Variants in SMIM8 observed in about 807,000 individuals in gnomAD.
SMIM8 encodes the protein small integral membrane protein 8.
SMIM8 carries 8 observed loss-of-function variants against 8.1 expected under a neutral mutation model. That is an observed-to-expected ratio of 0.99 (90% CI 0.58 to 1.78). SMIM8 has a LOEUF of 1.78. SMIM8 is among the 40% of genes most tolerant of loss of function. The probability of loss-of-function intolerance (pLI) is 0.00; values close to 1 mark genes in which losing one functional copy is unlikely to be tolerated. For missense variants in SMIM8, 126 were observed against 119.8 expected (o/e 1.05, Z -0.24); for synonymous variants, 45 against 39.7 (o/e 1.13, Z -0.50).
chr6:87,324,987 TC>T (rs1776781148), intron 1 of SMIM8, among the ~76,000 whole-genome samples: 2 of 152,096 alleles, frequency 1.3e-5, no homozygotes, highest in Admixed American at 1.3e-4. Flanking sequence ...GTCCTTCACA[TC>T]CCTTGTAAGT....
In SMIM8 at chr6:87,341,885, A is replaced by G; in HGVS notation, c.*1611A>G. 1 of 152,184 alleles carries G rather than the reference A, an allele frequency of 6.6e-6. No homozygotes were observed. The highest frequency in any genetic ancestry group is 1.9e-4 in the East Asian group (1 of 5,200). The allele number at this position is 152,184 out of a possible 1,614,324, so 9.4% of individuals were successfully genotyped here. ...CCCTGTGTATTTTGGCTATCACAAAACTAGGGTTCTTCTGTTTTTAACTTA... is the reference window on the plus strand; with the variant it reads ...CCCTGTGTATTTTGGCTATCACAAAGCTAGGGTTCTTCTGTTTTTAACTTA... On this transcript the variant is annotated 3_prime_UTR_variant, in exon 4 of 4. Coordinates refer to ENST00000392863, the MANE Select transcript of SMIM8 (RefSeq NM_001042493.3).
intron 1 of SMIM8, among the ~76,000 whole-genome samples, chr6:87,325,194 C>T: frequency 6.6e-6 from 1 of 152,084 alleles, no homozygotes; most frequent in Admixed American, 6.5e-5. Context: ...TCTAGGTATA[C>T]AGTCATGTCA....
Position 87,340,117 on chromosome 6 carries a change from A to G in SMIM8, c.137A>G (p.Asn46Ser). The G allele has an allele frequency of 6.4e-7, 1 of 1,558,036 alleles. No individual in the cohort carries two copies. The highest frequency in any genetic ancestry group is 8.6e-7 in the Non-Finnish European group (1 of 1,158,708). Residue 46 changes from asparagine to serine, a missense_variant and splice_region_variant, in exon 4 of 4, where the codon AAC becomes AGC. Asn to Ser is a conservative substitution (Grantham distance 46, BLOSUM62 1). Coordinates refer to ENST00000392863, the MANE Select transcript of SMIM8 (RefSeq NM_001042493.3). The part of the protein sequence containing the change: ...AVNPELFIKP[N>S]KPVMAFGLVT... ...TTATAATTTTTTTTTCTTTGACAGA[A>G]CAAACCTGTAATGGCTTTCGGATTG...
At chr6:87,330,360 T>G (rs577304646) in intron 1 of SMIM8, among the ~76,000 whole-genome samples, 93 of 152,354 alleles carry the variant, frequency 6.1e-4, no homozygotes, top group African/African-American at 2.0e-3. Context: ...TTCTAAAATG[T>G]ATGTTTGAAG....
At chr6:87,328,795 C>A (rs1255832792) in intron 1 of SMIM8, among the ~76,000 whole-genome samples, 4 of 152,342 alleles carry the variant, frequency 2.6e-5, no homozygotes, top group South Asian at 2.1e-4. Context: ...TCGAGCTTCC[C>A]AGCTGCTTTG....
rs760761450 is a variant in SMIM8 at position 87,337,082 on chromosome 6, G to GA, written c.54dup (p.Glu19ArgfsTer26). The stretch of plus-strand genomic sequence containing the variant: ...CATTCAAAAAGGAACCACCCAAAGA[G>GA]AAAGAGTTTCAAAGCCCAGGGCTCA... On this transcript the variant is annotated frameshift_variant, in exon 3 of 4. Transcript: ENST00000392863. LOFTEE classifies it high-confidence loss of function. 1 of 1,612,962 alleles carries GA rather than the reference G, an allele frequency of 6.2e-7. No homozygotes were observed. Among genetic ancestry groups the GA allele is most frequent in the South Asian group, 1.1e-5 (1 of 90,858 alleles).
At chr6:87,332,953 C>T (rs1284961642) in intron 2 of SMIM8, among the ~76,000 whole-genome samples, 1 of 152,118 alleles carries the variant, frequency 6.6e-6, no homozygotes, top group Non-Finnish European at 1.5e-5. Flanking sequence ...TTAATGACTG[C>T]TTCATTTTGC....
At chr6:87,335,021 T>C (rs1396717159) in intron 2 of SMIM8, among the ~76,000 whole-genome samples, 1 of 152,168 alleles carries the variant, frequency 6.6e-6, no homozygotes, top group Admixed American at 6.5e-5. Context: ...CAGTGACAGC[T>C]CACTTCTGAA....
intron 3 of SMIM8, among the ~76,000 whole-genome samples, chr6:87,337,866 G>A (rs990902768): frequency 2.6e-5 from 4 of 152,078 alleles, no homozygotes; most frequent in East Asian, 1.9e-4. Context: ...GGCCTTAAGC[G>A]ATTCTCCCAC....
chr6:87,335,829 G>A (rs1213925253), intron 2 of SMIM8, among the ~76,000 whole-genome samples: 2 of 130,762 alleles, frequency 1.5e-5, no homozygotes, highest in East Asian at 2.3e-4. Flanking sequence ...GCAACATGGC[G>A]AGACCCCGTC....
At chr6:87,328,249 G>C (rs1776884603) in intron 1 of SMIM8, among the ~76,000 whole-genome samples, 1 of 152,038 alleles carries the variant, frequency 6.6e-6, no homozygotes, top group African/African-American at 2.4e-5. Flanking sequence ...CCTTCTCTCA[G>C]CTCGTCAAAG....
At chr6:87,328,074 C>G (rs866251201) in intron 1 of SMIM8, among the ~76,000 whole-genome samples, 1 of 152,186 alleles carries the variant, frequency 6.6e-6, no homozygotes, top group Non-Finnish European at 1.5e-5. Context: ...GCATTCTTCA[C>G]GTAGTTCTTG....
At chr6:87,335,845 CAAAAAA>C (rs35840147) in intron 2 of SMIM8, among the ~76,000 whole-genome samples, 2 of 55,960 alleles carry the variant, frequency 3.6e-5, no homozygotes, top group Admixed American at 2.4e-4. Context: ...CCGTCCCTAC[CAAAAAA>C]AAAAAAAAAA....
intron 1 of SMIM8, among the ~76,000 whole-genome samples, chr6:87,326,651 T>C (rs557450978): frequency 7.1e-6 from 1 of 140,684 alleles, no homozygotes; most frequent in Non-Finnish European, 1.5e-5. Flanking sequence ...ATAATTTCTG[T>C]TCTTTTACAT....
Position 87,331,472 on chromosome 6 carries a change from G to T in SMIM8, c.-24+760G>T, listed in dbSNP as rs750624211. Among the ~76,000 whole-genome samples, 3 of 152,088 alleles carry T rather than the reference G, an allele frequency of 2.0e-5. No individual in the cohort carries two copies. In the South Asian group the frequency reaches 6.2e-4, roughly 32 times the overall value. On this transcript the variant is annotated intron_variant, in intron 2 of 3. Transcript: ENST00000392863. ...ATACATGTGTGAAGAAATGACTAAG[G>T]TTTTGCATTCTACCTGTTTTATTTA...
At chr6:87,327,331 C>T (rs866105738) in intron 1 of SMIM8, among the ~76,000 whole-genome samples, 4 of 151,736 alleles carry the variant, frequency 2.6e-5, no homozygotes, top group Non-Finnish European at 4.4e-5. Context: ...TTATTTTGCT[C>T]GTTAGTTGAT....
chr6:87,329,051 G>C (rs1452370949), intron 1 of SMIM8: 1 of 152,878 alleles, frequency 6.5e-6, no homozygotes, highest in Non-Finnish European at 1.5e-5. Context: ...TTGACTAGGA[G>C]AGGGAACTCC....
At position 87,340,484 on chromosome 6, in the gene SMIM8, T is replaced by C; in HGVS notation, c.*210T>C. 1 of 356,700 alleles carries C rather than the reference T, an allele frequency of 2.8e-6. No homozygotes were observed. Among genetic ancestry groups the C allele is most frequent in the Non-Finnish European group, 4.8e-6 (1 of 206,210 alleles). 22.1% of individuals were successfully genotyped at this position (356,700 alleles called of 1,614,324 possible). A position where few individuals can be genotyped will look rare whatever the true frequency, so the allele number is the denominator to read the frequency against. ...TTTTTCCACAGAGTGAGCGTCATAATATTTTTCTTTCCTTACCTCTTATAA... is the reference window on the plus strand; with the variant it reads ...TTTTTCCACAGAGTGAGCGTCATAACATTTTTCTTTCCTTACCTCTTATAA... On this transcript the variant is annotated 3_prime_UTR_variant, in exon 4 of 4. Coordinates refer to ENST00000392863, the MANE Select transcript of SMIM8 (RefSeq NM_001042493.3).
chr6:87,324,118 G>T (rs549218703), intron 1 of SMIM8, among the ~76,000 whole-genome samples: 1 of 151,970 alleles, frequency 6.6e-6, no homozygotes, highest in East Asian at 1.9e-4. Context: ...TTTTGATGGG[G>T]TTCTTTGTTT....
Sources: gnomAD v4.1 joint callset for allele counts (sites outside exome capture counted in the v4.1 genomes callset) on GRCh38, gnomAD v4.1.1 for gene constraint, MANE v1.5 for transcripts, NCBI Gene and HGNC (gene_info 2026-07-23, HGNC 2026-07-21) for gene names.